ESRRB: variants seen among roughly 807,000 people sequenced by gnomAD.
ESRRB encodes estrogen related receptor beta.
In ESRRB, 16 loss-of-function variants were observed where a neutral mutation model predicts 46.0. That is an observed-to-expected ratio of 0.35 (90% CI 0.24 to 0.53). The LOEUF is 0.53. ESRRB is among the 20% of genes least tolerant of loss of function. The pLI is 0.93. For synonymous variants in ESRRB, 246 were observed against 259.6 expected (o/e 0.95, Z 0.50); for missense variants, 488 against 607.4 (o/e 0.80, Z 2.07).
intron 1 of ESRRB, among the ~76,000 whole-genome samples, chr14:76,390,661 T>C (rs1319863659): frequency 1.3e-5 from 2 of 152,134 alleles, no homozygotes; most frequent in African/African-American, 4.8e-5. Context: ...GGTAGAGGAA[T>C]GTAAGTTTTA....
At chr14:76,424,218 G>T (rs1887100421) in intron 1 of ESRRB, among the ~76,000 whole-genome samples, 2 of 152,292 alleles carry the variant, frequency 1.3e-5, no homozygotes, top group Non-Finnish European at 1.5e-5. Context: ...GAGCACTGTT[G>T]TTGTTACAGA....
chr14:76,480,978 A>G (rs1889782769), intron 3 of ESRRB, among the ~76,000 whole-genome samples: 1 of 152,226 alleles, frequency 6.6e-6, no homozygotes, highest in African/African-American at 2.4e-5. Flanking sequence ...GGAGCTGTTC[A>G]GTGAGCTCAA....
intron 1 of ESRRB, among the ~76,000 whole-genome samples, chr14:76,389,807 A>G (rs931180160): frequency 1.3e-5 from 2 of 152,224 alleles, no homozygotes; most frequent in Non-Finnish European, 2.9e-5. Context: ...AATACATTGT[A>G]TTAAAAACAA....
At chr14:76,324,456 A>T (rs1883904089) in intron 1 of ESRRB, among the ~76,000 whole-genome samples, 1 of 152,168 alleles carries the variant, frequency 6.6e-6, no homozygotes, top group Admixed American at 6.5e-5. Flanking sequence ...AACAGCATCT[A>T]GGACAGAGAG....
At chr14:76,420,400 T>G (rs1046648214) in intron 1 of ESRRB, among the ~76,000 whole-genome samples, 1 of 152,226 alleles carries the variant, frequency 6.6e-6, no homozygotes, top group Admixed American at 6.5e-5. Context: ...GGGCTCTTTC[T>G]ACCAAACATA....
At chr14:76,386,547 C>T (rs1885240163) in intron 1 of ESRRB, among the ~76,000 whole-genome samples, 1 of 150,618 alleles carries the variant, frequency 6.6e-6, no homozygotes, top group Non-Finnish European at 1.5e-5. Flanking sequence ...ACCTCTGCCT[C>T]CCGGGTTCAA....
At chr14:76,442,431 G>A (rs535842790) in intron 2 of ESRRB, among the ~76,000 whole-genome samples, 6 of 151,922 alleles carry the variant, frequency 3.9e-5, no homozygotes, top group Non-Finnish European at 8.8e-5. Flanking sequence ...AGCCGAGATG[G>A]CACCACTGCA....
intron 1 of ESRRB, among the ~76,000 whole-genome samples, chr14:76,410,449 C>T (rs1177391301): frequency 6.6e-6 from 1 of 152,150 alleles, no homozygotes; most frequent in East Asian, 1.9e-4. Flanking sequence ...GCCACAGTTA[C>T]CAAGTTTTCT....
intron 1 of ESRRB, among the ~76,000 whole-genome samples, chr14:76,405,879 G>A (rs980934391): frequency 5.3e-5 from 8 of 151,912 alleles, no homozygotes; most frequent in African/African-American, 9.7e-5. Context: ...TGATTGTGCC[G>A]CGTCACTCCA....
chr14:76,499,144 T>G lies in ESRRB; in HGVS notation c.*686T>G. 3 of 302,422 alleles carry G rather than the reference T, an allele frequency of 9.9e-6. No homozygotes were observed. The highest frequency in any genetic ancestry group is 2.8e-5 in the South Asian group (1 of 35,096). 18.7% of individuals were successfully genotyped at this position (302,422 alleles called of 1,614,324 possible). On this transcript the variant is annotated 3_prime_UTR_variant, in exon 7 of 7. Transcript: ENST00000644823. ...CGGTGTCCACCTGTCCTCCTCCTCT[T>G]CTCCTCCCCCCGGGAGTCCCCCGCT... is the stretch of plus-strand genomic sequence containing the variant.
chr14:76,498,687 T>A lies in ESRRB; in HGVS notation c.*229T>A. ...TGGGGCTCGACTGTAACTGGCTTTT[T>A]CTTTGGTATGTCTTTCCTTCTCCAT... On this transcript the variant is annotated 3_prime_UTR_variant, in exon 7 of 7. Coordinates refer to ENST00000644823, the MANE Select transcript of ESRRB (RefSeq NM_001379180.1). 6.9e-7 allele frequency: 1 copy of A among 1,453,470 alleles called. No homozygotes were observed. Among genetic ancestry groups the A allele is most frequent in the Non-Finnish European group, 9.5e-7 (1 of 1,051,582 alleles). The allele number at this position is 1,453,470 out of a possible 1,614,324, so 90.0% of individuals were successfully genotyped here.
intron 1 of ESRRB, among the ~76,000 whole-genome samples, chr14:76,323,118 A>G (rs778535255): frequency 1.8e-4 from 27 of 152,128 alleles, no homozygotes; most frequent in Non-Finnish European, 3.2e-4. Context: ...GTGATTTCCA[A>G]TGTTCAGCAC....
chr14:76,436,229 A>C (rs540869845), intron 1 of ESRRB, among the ~76,000 whole-genome samples: 2 of 152,204 alleles, frequency 1.3e-5, no homozygotes, highest in African/African-American at 4.8e-5. Context: ...AGACGGGTGC[A>C]GGGAGGCAGT....
chr14:76,344,188 A>G (rs1884222312), intron 1 of ESRRB, among the ~76,000 whole-genome samples: 1 of 152,258 alleles, frequency 6.6e-6, no homozygotes, highest in Admixed American at 6.5e-5. Context: ...TAATTCTGTA[A>G]AAGACTTAGA....
chr14:76,434,430 C>T (rs1887581596), intron 1 of ESRRB, among the ~76,000 whole-genome samples: 1 of 152,062 alleles, frequency 6.6e-6, no homozygotes, highest in African/African-American at 2.4e-5. Context: ...GGCGGGGGAT[C>T]ACTTGAGGTC....
chr14:76,482,531 C>T lies in ESRRB; in HGVS notation c.689-67C>T. Reference sequence around the variant, plus strand: ...AACCCAACTTTGCTTCCTGACCCATCTGAGCCTCCACCCCGGCCCCTTTCC... The same window carrying T: ...AACCCAACTTTGCTTCCTGACCCATTTGAGCCTCCACCCCGGCCCCTTTCC... On this transcript the variant is annotated intron_variant, in intron 4 of 6. Transcript: ENST00000644823. This position sits in a 1 kb window ranked among gnomAD's most constrained non-coding sequence, Gnocchi z 4.3. 1.3e-6 allele frequency: 2 copies of T among 1,586,466 alleles called. No homozygotes were observed. Among genetic ancestry groups the T allele is most frequent in the South Asian group, 2.2e-5 (2 of 90,004 alleles).
chr14:76,400,186 G>A (rs746663834), intron 1 of ESRRB, among the ~76,000 whole-genome samples: 19 of 152,160 alleles, frequency 1.2e-4, no homozygotes, highest in Non-Finnish European at 2.4e-4. Context: ...CTGGCAGTGG[G>A]AGCCCTTCAA....
intron 1 of ESRRB, among the ~76,000 whole-genome samples, chr14:76,432,162 T>G: frequency 6.6e-6 from 1 of 152,176 alleles, no homozygotes; most frequent in Non-Finnish European, 1.5e-5. Flanking sequence ...CAGGGAGACA[T>G]TTGGCAATGT....
intron 1 of ESRRB, among the ~76,000 whole-genome samples, chr14:76,335,643 G>A (rs1356397004): frequency 3.3e-5 from 5 of 152,098 alleles, no homozygotes; most frequent in African/African-American, 1.2e-4. Context: ...GTACACAGTG[G>A]GTGCTCAATG....
Sources: gnomAD v4.1 joint callset for allele counts (sites outside exome capture counted in the v4.1 genomes callset) on GRCh38, gnomAD v4.1.1 for gene constraint, Gnocchi (gnomAD v3.1) non-coding constraint, MANE v1.5 for transcripts, NCBI Gene and HGNC (gene_info 2026-07-23, HGNC 2026-07-21) for gene names.